Variants in CDH11 observed in about 807,000 individuals in gnomAD.
The protein encoded by CDH11 is cadherin-11.
CDH11 carries 11 observed loss-of-function variants against 67.8 expected under a neutral mutation model. That is an observed-to-expected ratio of 0.16 (90% confidence interval 0.10 to 0.27). The LOEUF is 0.27. Ranked by LOEUF, CDH11 falls within the 10% of genes least tolerant of loss-of-function variation. The pLI, the probability that CDH11 is intolerant of heterozygous loss-of-function variation, is 1.00. For missense variants in CDH11, 847 were observed against 1,031.2 expected (o/e 0.82, Z 2.45); for synonymous variants, 419 against 400.0 (o/e 1.05, Z -0.57).
Position 64,946,010 on chromosome 16 carries a change from G to A in CDH11, c.*1593C>T. On this transcript the variant is annotated 3_prime_UTR_variant, in exon 13 of 13. Coordinates refer to ENST00000268603, the MANE Select transcript of CDH11 (RefSeq NM_001797.4). ...AACAGGTGAAATGCCCTTCACATAAGTTTCAATCCCCAAGAAACTAGCTGG... is the reference window on the plus strand; with the variant it reads ...AACAGGTGAAATGCCCTTCACATAAATTTCAATCCCCAAGAAACTAGCTGG... 1 of 1,058,472 alleles carries A rather than the reference G, an allele frequency of 9.4e-7. No individual in the cohort carries two copies. Among genetic ancestry groups the A allele is most frequent in the Non-Finnish European group, 1.1e-6 (1 of 875,070 alleles). 65.6% of individuals were successfully genotyped at this position (1,058,472 alleles called of 1,614,324 possible). A position where few individuals can be genotyped will look rare whatever the true frequency, so the allele number is the denominator to read the frequency against.
At chr16:65,002,518 A>G (rs1339097406) in intron 3 of CDH11, among the ~76,000 whole-genome samples, 1 of 152,172 alleles carries the variant, frequency 6.6e-6, no homozygotes, top group Admixed American at 6.5e-5. Context: ...AATTATTTCC[A>G]TTTCCATTTC....
At chr16:64,987,943 C>T (rs1280401785) in intron 7 of CDH11, 2 of 419,866 alleles carry the variant, frequency 4.8e-6, no homozygotes, top group African/African-American at 4.1e-5. Context: ...CAATCTCAGG[C>T]AGGTATCACC....
At chr16:64,993,453 T>C (rs537382534) in intron 4 of CDH11, among the ~76,000 whole-genome samples, 3 of 152,246 alleles carry the variant, frequency 2.0e-5, no homozygotes, top group Admixed American at 2.0e-4. Flanking sequence ...AAGGACAGAG[T>C]GCAATCTTCC....
chr16:65,051,145 C>T (rs1380800465), intron 2 of CDH11, among the ~76,000 whole-genome samples: 1 of 152,088 alleles, frequency 6.6e-6, no homozygotes, highest in Admixed American at 6.6e-5. Context: ...TAGGGGAGTG[C>T]GATTTTGCTT....
chr16:65,122,129 TGCGGGGCGGGGGGGGCGGG>T, upstream of CDH11: 3 of 56,106 alleles, frequency 5.3e-5, no homozygotes, highest in Non-Finnish European at 1.0e-4. Flanking sequence ...GGCAGGCGGG[TGCGGGGCGGGGGGGGCGGG>T]AGGAGGGAGG....
At chr16:65,014,918 C>G (rs528972655) in intron 2 of CDH11, among the ~76,000 whole-genome samples, 61 of 151,572 alleles carry the variant, frequency 4.0e-4, no homozygotes, top group Non-Finnish European at 7.7e-4. Flanking sequence ...TGCAATGGCA[C>G]GATCTCAGCT....
At position 65,020,232 on chromosome 16, in the gene CDH11, C is replaced by T. The variant is rs556024406; in HGVS notation, c.-172-15191G>A. On this transcript the variant is annotated intron_variant, in intron 2 of 12. Coordinates refer to ENST00000268603, the MANE Select transcript of CDH11 (RefSeq NM_001797.4). ...GGTAAGTTGAGAAATTATCAAAAGA[C>T]AATGAAGCAGTTAATGTAGTTTAGT... 1.4e-4 allele frequency among the ~76,000 whole-genome samples: 21 copies of T among 152,312 alleles called. No individual in the cohort carries two copies. In the South Asian group the frequency reaches 4.1e-3, roughly 30 times the overall value.
At chr16:65,022,293 A>C (rs2142582047) in intron 2 of CDH11, among the ~76,000 whole-genome samples, 1 of 152,322 alleles carries the variant, frequency 6.6e-6, no homozygotes, top group Admixed American at 6.5e-5. Context: ...TTAGTCCAAT[A>C]GCTTTTACTT....
chr16:65,075,375 G>C (rs1331818686), intron 1 of CDH11, among the ~76,000 whole-genome samples: 1 of 152,168 alleles, frequency 6.6e-6, no homozygotes. Flanking sequence ...GTCTCCAAGT[G>C]GGATGAGGGG....
chr16:65,048,764 C>T (rs2074005712), intron 2 of CDH11, among the ~76,000 whole-genome samples: 1 of 151,784 alleles, frequency 6.6e-6, no homozygotes, highest in Non-Finnish European at 1.5e-5. Context: ...TATCTCTATA[C>T]ACACATATGT....
chr16:65,081,400 C>T (rs1332351480), intron 1 of CDH11, among the ~76,000 whole-genome samples: 1 of 151,938 alleles, frequency 6.6e-6, no homozygotes, highest in Non-Finnish European at 1.5e-5. Context: ...AACTCCCTCT[C>T]TACCAAAAAT....
intron 4 of CDH11, among the ~76,000 whole-genome samples, chr16:64,993,536 A>G (rs1427474847): frequency 1.3e-5 from 2 of 152,086 alleles, no homozygotes; most frequent in African/African-American, 4.8e-5. Context: ...TAATTCTACA[A>G]TTTAATTAAT....
At chr16:65,116,305 C>T (rs2075244042) in intron 1 of CDH11, among the ~76,000 whole-genome samples, 1 of 152,180 alleles carries the variant, frequency 6.6e-6, no homozygotes, top group Admixed American at 6.5e-5. Context: ...TGTTTGCTCT[C>T]ACTGATGGAG....
At position 64,947,719 on chromosome 16, in the gene CDH11, C is replaced by T. The variant is rs767390160; in HGVS notation, c.2275G>A (p.Glu759Lys). ...GSVAGSLSSLESATTDSDLDY... is the reference protein window; with the variant it reads ...GSVAGSLSSLKSATTDSDLDY... ...AAGTCTGAATCTGTGGTGGCCGACTCTAGGGAGCTCAGGGACCCGGCCACT... is the reference window on the plus strand; with the variant it reads ...AAGTCTGAATCTGTGGTGGCCGACTTTAGGGAGCTCAGGGACCCGGCCACT... Residue 759 changes from glutamate to lysine, a missense_variant, in exon 13 of 13, where the codon GAG becomes AAG. Physicochemically the swap from Glu to Lys is moderately conservative, Grantham distance 56. Coordinates refer to ENST00000268603, the MANE Select transcript of CDH11 (RefSeq NM_001797.4). The T allele has an allele frequency of 1.9e-6, 3 of 1,614,130 alleles. No homozygotes were observed. In the South Asian group the frequency reaches 3.3e-5, roughly 18 times the overall value.
intron 11 of CDH11, among the ~76,000 whole-genome samples, chr16:64,960,817 C>A (rs1312758495): frequency 4.6e-5 from 7 of 151,736 alleles, no homozygotes; most frequent in Non-Finnish European, 1.0e-4. Context: ...AATGGAGAGG[C>A]AGGAAAGAAT....
chr16:65,115,707 C>CAAAAAAAAAAAAAAAA (rs750108148), intron 1 of CDH11, among the ~76,000 whole-genome samples: 1 of 60,178 alleles, frequency 1.7e-5, no homozygotes, highest in Non-Finnish European at 3.3e-5. Context: ...AAGGCTACAC[C>CAAAAAAAAAAAAAAAA]AAAAAAAAAA....
At chr16:65,122,449 C>G (rs1368074498), upstream of CDH11, 1 of 171,032 alleles carries the variant, frequency 5.8e-6, no homozygotes, top group Non-Finnish European at 1.2e-5. Flanking sequence ...TGGGAGCCCC[C>G]ATTTTCCTCC....
In CDH11 at chr16:65,122,056, C is replaced by T. The variant is rs895492448; in HGVS notation, c.-474G>A. The T allele has an allele frequency of 5.3e-6, 3 of 566,352 alleles. No individual in the cohort carries two copies. Among genetic ancestry groups the T allele is most frequent in the Non-Finnish European group, 9.7e-6 (3 of 309,284 alleles). The allele number at this position is 566,352 out of a possible 1,614,324, so 35.1% of individuals were successfully genotyped here. A position where few individuals can be genotyped will look rare whatever the true frequency, so the allele number is the denominator to read the frequency against. On this transcript the variant is annotated 5_prime_UTR_variant, in exon 1 of 13. Coordinates refer to ENST00000268603, the MANE Select transcript of CDH11 (RefSeq NM_001797.4). The stretch of plus-strand genomic sequence containing the variant: ...GACGCTCCCCTCAGCTGGCGGCGGC[C>T]GCGGAATGAGCCGCCGAGCGCGCTA...
intron 2 of CDH11, among the ~76,000 whole-genome samples, chr16:65,016,752 A>G (rs2142565043): frequency 6.6e-6 from 1 of 152,358 alleles, no homozygotes; most frequent in South Asian, 2.1e-4. Context: ...TAAGCTTATT[A>G]AGAAGTAAAT....
Sources: gnomAD v4.1 joint callset for allele counts (sites outside exome capture counted in the v4.1 genomes callset) on GRCh38, gnomAD v4.1.1 for gene constraint, MANE v1.5 for transcripts, NCBI Gene and HGNC (gene_info 2026-07-23, HGNC 2026-07-21) for gene names.